CTNNA3: variants seen among roughly 807,000 people sequenced by gnomAD.
CTNNA3 encodes catenin alpha 3.
A neutral mutation model predicts 95.7 loss-of-function variants in CTNNA3; 76 were observed. The observed-to-expected ratio is 0.79, with a 90% CI of 0.66 to 0.96. The LOEUF (loss-of-function observed/expected upper bound fraction) is 0.96. CTNNA3 is among the 40% of genes least tolerant of loss of function. The pLI is 0.00. For synonymous variants in CTNNA3, 431 were observed against 374.4 expected, an observed-to-expected ratio of 1.15 and a Z score of -1.74; for missense variants, 1,191 against 1,089.8, an observed-to-expected ratio of 1.09 and a Z score of -1.31.
In CTNNA3 at chr10:66,401,454, T is replaced by G. The variant is rs559720603; in HGVS notation, c.1532-22102A>C. Among the ~76,000 whole-genome samples, 1,355 of 149,830 alleles carry G rather than the reference T, an allele frequency of 9.0e-3. 24 individuals carry two copies. Among genetic ancestry groups the G allele is most frequent in the South Asian group, 0.037 (175 of 4,726 alleles). The stretch of plus-strand genomic sequence containing the variant: ...GGTGCAAGAATCACTGAAGTGGAGG[T>G]TGCTGTGAGCCAAGATCGTGCCACT... On this transcript the variant is annotated intron_variant, in intron 11 of 17. Transcript: ENST00000433211.
intron 2 of CTNNA3, among the ~76,000 whole-genome samples, chr10:67,629,021 C>A (rs80310232): frequency 2.6e-5 from 4 of 151,324 alleles, no homozygotes; most frequent in Non-Finnish European, 5.9e-5. Context: ...AAAAAAAAAA[C>A]TGGACTCATA....
At chr10:67,728,080 AT>A (rs1252669957) in intron 1 of CTNNA3, among the ~76,000 whole-genome samples, 7 of 140,572 alleles carry the variant, frequency 5.0e-5, no homozygotes, top group African/African-American at 1.9e-4. Flanking sequence ...CATATTATAT[AT>A]TATATAATAT....
At chr10:66,976,490 A>G (rs1360474033) in intron 7 of CTNNA3, among the ~76,000 whole-genome samples, 6 of 152,160 alleles carry the variant, frequency 3.9e-5, no homozygotes, top group Non-Finnish European at 8.8e-5. Context: ...CAATAGCCTC[A>G]TTACTAGCCT....
intron 15 of CTNNA3, among the ~76,000 whole-genome samples, chr10:66,050,451 G>A (rs1424018949): frequency 6.6e-6 from 1 of 151,470 alleles, no homozygotes; most frequent in African/African-American, 2.4e-5. Context: ...TAGCAAGAGA[G>A]GGAGTCTTGC....
intron 3 of CTNNA3, among the ~76,000 whole-genome samples, chr10:67,550,676 G>A (rs375936352): frequency 3.4e-4 from 47 of 136,818 alleles, no homozygotes; most frequent in East Asian, 3.3e-3. Context: ...TTTCTTTACC[G>A]TAGAATAAAG....
intron 3 of CTNNA3, among the ~76,000 whole-genome samples, chr10:67,561,689 T>C (rs1841514050): frequency 6.6e-6 from 1 of 151,594 alleles, no homozygotes; most frequent in Admixed American, 6.6e-5. Flanking sequence ...AAACAATCAA[T>C]GAATCCAGGA....
intron 7 of CTNNA3, among the ~76,000 whole-genome samples, chr10:67,007,522 A>T (rs1852068652): frequency 1.3e-5 from 2 of 152,052 alleles, no homozygotes; most frequent in Admixed American, 6.6e-5. Flanking sequence ...TTCAACTGCC[A>T]CTGAAACTTT....
intron 5 of CTNNA3, among the ~76,000 whole-genome samples, chr10:67,492,707 G>A (rs777177741): frequency 1.3e-5 from 2 of 152,228 alleles, no homozygotes; most frequent in Non-Finnish European, 2.9e-5. Flanking sequence ...GAATTGTCCT[G>A]TGAGCTCTAG....
At chr10:66,905,323 G>A (rs967700055) in intron 7 of CTNNA3, among the ~76,000 whole-genome samples, 1 of 152,090 alleles carries the variant, frequency 6.6e-6, no homozygotes, top group Non-Finnish European at 1.5e-5. Context: ...TGAACAATAA[G>A]AACACATGGA....
At chr10:66,536,136 T>TGAGAGA (rs71035152) in intron 10 of CTNNA3, among the ~76,000 whole-genome samples, 178 of 143,836 alleles carry the variant, frequency 1.2e-3, no homozygotes, top group Middle Eastern at 3.6e-3. Flanking sequence ...TGAAACGACA[T>TGAGAGA]GAGAGAGAGA....
intron 7 of CTNNA3, among the ~76,000 whole-genome samples, chr10:66,845,293 T>C (rs1354076701): frequency 1.3e-5 from 2 of 152,152 alleles, no homozygotes; most frequent in Non-Finnish European, 2.9e-5. Flanking sequence ...TCACTAGTCA[T>C]CAGGGAAATG....
At chr10:66,490,987 T>A (rs908660967) in intron 11 of CTNNA3, among the ~76,000 whole-genome samples, 6 of 152,216 alleles carry the variant, frequency 3.9e-5, no homozygotes, top group Non-Finnish European at 8.8e-5. Flanking sequence ...TTGTCCCACA[T>A]GATACAATTC....
At chr10:66,385,062 C>A (rs575578738) in intron 11 of CTNNA3, among the ~76,000 whole-genome samples, 124 of 151,986 alleles carry the variant, frequency 8.2e-4, no homozygotes, top group African/African-American at 2.8e-3. Context: ...ACATTCAAAA[C>A]CTAGCAGAAG....
chr10:67,656,438 A>G (rs1264392708), intron 1 of CTNNA3, among the ~76,000 whole-genome samples: 1 of 152,212 alleles, frequency 6.6e-6, no homozygotes, highest in East Asian at 1.9e-4. Context: ...GGCATCATTC[A>G]TTTATTCATT....
intron 9 of CTNNA3, among the ~76,000 whole-genome samples, chr10:66,647,599 C>A (rs1845751138): frequency 6.6e-6 from 1 of 151,636 alleles, no homozygotes; most frequent in African/African-American, 2.4e-5. Flanking sequence ...CAAGCTCCGC[C>A]TCCTGGGTTC....
chr10:66,881,190 A>C (rs990674495), intron 7 of CTNNA3, among the ~76,000 whole-genome samples: 8 of 152,122 alleles, frequency 5.3e-5, no homozygotes, highest in Non-Finnish European at 8.8e-5. Context: ...AAACAACATA[A>C]GAAACAGTTT....
At chr10:66,722,403 T>C (rs573090078) in intron 9 of CTNNA3, among the ~76,000 whole-genome samples, 12 of 149,694 alleles carry the variant, frequency 8.0e-5, no homozygotes, top group African/African-American at 2.9e-4. Context: ...TGCTAAACTG[T>C]GGTTGATGTT....
intron 5 of CTNNA3, among the ~76,000 whole-genome samples, chr10:67,226,401 C>T (rs752146640): frequency 6.6e-6 from 1 of 152,174 alleles, no homozygotes; most frequent in Non-Finnish European, 1.5e-5. Flanking sequence ...CTGAACAGAT[C>T]GTCTCCTAGA....
chr10:67,549,136 A>G (rs537586896), intron 3 of CTNNA3, among the ~76,000 whole-genome samples: 1 of 152,272 alleles, frequency 6.6e-6, no homozygotes, highest in East Asian at 1.9e-4. Context: ...TCAAAAACAC[A>G]AGGCTAAAAA....
Sources: gnomAD v4.1 joint callset for allele counts (sites outside exome capture counted in the v4.1 genomes callset) on GRCh38, gnomAD v4.1.1 for gene constraint, MANE v1.5 for transcripts, NCBI Gene and HGNC (gene_info 2026-07-23, HGNC 2026-07-21) for gene names.